The following EGF variants were observed in gnomAD, a reference collection of about 807,000 sequenced individuals.
The protein encoded by EGF is epidermal growth factor, also known as pro-epidermal growth factor.
In EGF, 95 loss-of-function variants were observed where a neutral mutation model predicts 143.8. That is an observed-to-expected ratio of 0.66 (90% confidence interval 0.56 to 0.78). The LOEUF (loss-of-function observed/expected upper bound fraction) is 0.78. Among genes scored for constraint, EGF ranks in the 30% least tolerant of loss-of-function variants. The probability of loss-of-function intolerance (pLI) is 0.00; values close to 1 mark genes in which losing one functional copy is unlikely to be tolerated. For missense variants in EGF, 1,320 were observed against 1,470.9 expected (o/e 0.90, Z 1.68); for synonymous variants, 510 against 510.5 (o/e 1.00, Z 0.01).
chr4:109,994,583 A>G, intron 19 of EGF, 150 bp from the exon 20 acceptor site: 1 of 909,038 alleles, frequency 1.1e-6, no homozygotes. Context: ...AGGTCTAGCT[A>G]GGAAAGTGAA....
chr4:109,972,143 A>G (rs935825053), intron 11 of EGF, among the ~76,000 whole-genome samples: 3 of 152,136 alleles, frequency 2.0e-5, no homozygotes, highest in African/African-American at 7.2e-5. Context: ...ACACTGGGAC[A>G]ATTAGATAAT....
intron 1 of EGF, among the ~76,000 whole-genome samples, chr4:109,939,454 C>A (rs1188034815): frequency 6.6e-6 from 1 of 152,366 alleles, no homozygotes; most frequent in Middle Eastern, 3.4e-3. Context: ...TCACAACTTC[C>A]CTTGGCTAGG....
intron 1 of EGF, among the ~76,000 whole-genome samples, chr4:109,927,719 G>A (rs1255074602): frequency 1.0e-4 from 13 of 125,572 alleles, no homozygotes; most frequent in East Asian, 2.4e-4. Context: ...GAGAGACACC[G>A]TCTCAAAAAA....
At chr4:109,920,274 T>C (rs78222712) in intron 1 of EGF, among the ~76,000 whole-genome samples, 2,755 of 151,834 alleles carry the variant, frequency 0.018, 186 homozygotes, top group African/African-American at 0.064. Flanking sequence ...TCTAAGCTAT[T>C]TTAGCAATTA....
chr4:109,988,455 G>T (rs531788850), intron 17 of EGF, 129 bp from the exon 18 acceptor site: 2 of 1,370,726 alleles, frequency 1.5e-6, no homozygotes, highest in African/African-American at 2.9e-5. Context: ...GGGCGTGCCT[G>T]ATGTTGGCAA....
At chr4:109,983,367 C>A in intron 15 of EGF, 55 bp from the exon 16 acceptor site, 1 of 1,568,886 alleles carries the variant, frequency 6.4e-7, no homozygotes, top group Non-Finnish European at 8.7e-7. Context: ...TGAAATCAAA[C>A]TTTTTTTTTG....
At chr4:109,993,449 G>A (rs1365368320) in intron 19 of EGF, 80 bp downstream of exon 19, 2 of 1,583,988 alleles carry the variant, frequency 1.3e-6, no homozygotes, top group African/African-American at 1.3e-5. Context: ...ATTTGCATTA[G>A]AGATTCTAAA....
chr4:109,960,798 T>C (rs1745562939), intron 6 of EGF, 69 bp from the exon 7 acceptor site: 2 of 1,591,246 alleles, frequency 1.3e-6, no homozygotes, highest in Admixed American at 3.3e-5. Flanking sequence ...TGTGATGACT[T>C]ATTAGTGATA....
intron 10 of EGF, among the ~76,000 whole-genome samples, chr4:109,966,023 C>T (rs1746502460): frequency 1.3e-5 from 2 of 150,690 alleles, no homozygotes; most frequent in South Asian, 4.2e-4. Context: ...ATCAACTGAC[C>T]CATATCTTTA....
At chr4:109,950,459 C>G (rs1294634974) in intron 5 of EGF, among the ~76,000 whole-genome samples, 1 of 152,260 alleles carries the variant, frequency 6.6e-6, no homozygotes, top group East Asian at 1.9e-4. Flanking sequence ...GTATCCCTGT[C>G]TCCATTTTCT....
At chr4:109,999,432 C>A (rs1435476547) in intron 20 of EGF, among the ~76,000 whole-genome samples, 1 of 152,168 alleles carries the variant, frequency 6.6e-6, no homozygotes, top group African/African-American at 2.4e-5. Context: ...CCTGTAATGC[C>A]TTATAGAGGC....
intron 1 of EGF, among the ~76,000 whole-genome samples, chr4:109,933,464 G>A (rs963146148): frequency 6.9e-6 from 1 of 145,298 alleles, no homozygotes; most frequent in Non-Finnish European, 1.5e-5. Context: ...CAGTACATGT[G>A]CACAACGTGC....
At chr4:109,993,203 T>C in intron 18 of EGF, 44 bp from the exon 19 acceptor site, 1 of 1,611,472 alleles carries the variant, frequency 6.2e-7, no homozygotes, top group Non-Finnish European at 8.5e-7. Context: ...ACCCTCTTTT[T>C]CTGTACCCCA....
intron 4 of EGF, 36 bp downstream of exon 4, chr4:109,944,105 T>C (rs1428478836): frequency 6.3e-7 from 1 of 1,584,094 alleles, no homozygotes; most frequent in Non-Finnish European, 8.7e-7. Flanking sequence ...AAAACAATTG[T>C]CATTTGAAGT....
chr4:109,920,931 C>A (rs945904538), intron 1 of EGF, among the ~76,000 whole-genome samples: 6 of 151,654 alleles, frequency 4.0e-5, no homozygotes, highest in African/African-American at 1.5e-4. Context: ...TGCACACGGC[C>A]ATCCCAGGCC....
chr4:110,004,705 G>A, intron 22 of EGF, 83 bp downstream of exon 22: 1 of 1,031,644 alleles, frequency 9.7e-7, no homozygotes, highest in South Asian at 1.3e-5. Context: ...ACTGAGTTCA[G>A]AATGACTGGA....
chr4:109,978,412 A>G (rs1467141614), intron 13 of EGF, among the ~76,000 whole-genome samples: 5 of 152,256 alleles, frequency 3.3e-5, no homozygotes, highest in East Asian at 1.9e-4. Context: ...TTTAAACACT[A>G]TAGCTAATTC....
chr4:109,954,327 C>T (rs1312388700), intron 5 of EGF, among the ~76,000 whole-genome samples: 1 of 152,204 alleles, frequency 6.6e-6, no homozygotes, highest in African/African-American at 2.4e-5. Context: ...GCTGGGATTA[C>T]AGGTGTGAGC....
At chr4:109,928,645 A>G (rs1049939974) in intron 1 of EGF, among the ~76,000 whole-genome samples, 5 of 152,182 alleles carry the variant, frequency 3.3e-5, no homozygotes, top group Non-Finnish European at 7.3e-5. Context: ...ATTTCAAAAC[A>G]TGTCAAAGAA....
Sources: gnomAD v4.1 joint callset for allele counts (sites outside exome capture counted in the v4.1 genomes callset) on GRCh38, gnomAD v4.1.1 for gene constraint, MANE v1.5 for transcripts, NCBI Gene and HGNC (gene_info 2026-07-23, HGNC 2026-07-21) for gene names.